RGL1: variants seen among roughly 807,000 people sequenced by gnomAD.
RGL1 encodes ral guanine nucleotide dissociation stimulator like 1.
RGL1 carries 24 observed loss-of-function variants against 95.2 expected under a neutral mutation model. The ratio of observed to expected loss-of-function variants is 0.25; its 90% confidence interval spans 0.18 to 0.35. The LOEUF is 0.35. RGL1 is among the 10% of genes least tolerant of loss of function. RGL1 has a pLI of 1.00. For synonymous variants in RGL1, 329 were observed against 344.9 expected (o/e 0.95, Z 0.51); for missense variants, 715 against 936.3 (o/e 0.76, Z 3.08).
In RGL1 at chr1:183,888,551, A is replaced by T; in HGVS notation, c.1029A>T (p.Leu343Phe). 6.2e-7 allele frequency: 1 copy of T among 1,612,646 alleles called. No individual in the cohort carries two copies. The highest frequency in any genetic ancestry group is 8.5e-7 in the Non-Finnish European group (1 of 1,178,792). ...TGCAGTCTAATTCCATCTATCGGTT[A>T]AAAAAGACTTGGGCTGCCGTCCCAA... ...SALQSNSIYRLKKTWAAVPRD... is the reference protein window; with the variant it reads ...SALQSNSIYRFKKTWAAVPRD... The change falls in exon 8 of 18, where the codon TTA becomes TTT. Residue 343 changes from leucine (L) to phenylalanine (F), a missense_variant. By Grantham distance (22) the Leu-to-Phe change is conservative. This residue lies in a region of RGL1 where 381 missense variants were observed against 484.8 expected (regional missense o/e 0.79). Transcript: ENST00000360851.
intron 3 of RGL1, among the ~76,000 whole-genome samples, chr1:183,863,408 A>G (rs929315383): frequency 1.3e-5 from 2 of 151,130 alleles, no homozygotes; most frequent in Non-Finnish European, 1.5e-5. Context: ...GGCTCAGGAG[A>G]TCCTCTTGCT....
chr1:183,817,834 G>A (rs144519374), intron 2 of RGL1, among the ~76,000 whole-genome samples: 13 of 152,320 alleles, frequency 8.5e-5, no homozygotes, highest in African/African-American at 3.1e-4. Flanking sequence ...TTTGTGCAAA[G>A]CAATGGTACT....
intron 2 of RGL1, among the ~76,000 whole-genome samples, chr1:183,840,746 A>G (rs1174477380): frequency 6.6e-6 from 1 of 151,832 alleles, no homozygotes; most frequent in Non-Finnish European, 1.5e-5. Flanking sequence ...AAATAAATAA[A>G]TTAGCTGGGG....
intron 2 of RGL1, among the ~76,000 whole-genome samples, chr1:183,791,082 TC>T (rs754410223): frequency 1.1e-4 from 16 of 152,236 alleles, no homozygotes; most frequent in Non-Finnish European, 2.1e-4. Flanking sequence ...AACTACTCCT[TC>T]CCTTCCCCCT....
intron 8 of RGL1, among the ~76,000 whole-genome samples, chr1:183,890,705 C>T (rs1377317147): frequency 6.6e-6 from 1 of 152,228 alleles, no homozygotes; most frequent in East Asian, 1.9e-4. Context: ...AAAAGCCAGC[C>T]ACAACAGCTA....
At chr1:183,800,162 C>T (rs1660912550), upstream of RGL1, among the ~76,000 whole-genome samples, 2 of 152,180 alleles carry the variant, frequency 1.3e-5, no homozygotes, top group South Asian at 4.1e-4. Flanking sequence ...TACATAAGTA[C>T]ATGCTGTCAT....
intron 2 of RGL1, among the ~76,000 whole-genome samples, chr1:183,824,944 C>A (rs989401653): frequency 1.3e-5 from 2 of 152,186 alleles, no homozygotes; most frequent in African/African-American, 4.8e-5. Flanking sequence ...AACCATTTTT[C>A]ATAACTGAGC....
chr1:183,915,073 T>C (rs1248643034), intron 15 of RGL1, among the ~76,000 whole-genome samples: 1 of 152,140 alleles, frequency 6.6e-6, no homozygotes, highest in African/African-American at 2.4e-5. Flanking sequence ...CCCATGAGAA[T>C]TGTCACATCA....
chr1:183,843,821 G>GTTTTTTTTTTTTTTT (rs5779190), intron 2 of RGL1, among the ~76,000 whole-genome samples: 1 of 150,854 alleles, frequency 6.6e-6, no homozygotes, highest in Non-Finnish European at 1.5e-5. Context: ...ATATTTTCAT[G>GTTTTTTTTTTTTTTT]TTTTTTTTTG....
intron 7 of RGL1, 27 bp downstream of exon 7, chr1:183,884,965 T>G: frequency 6.3e-7 from 1 of 1,592,860 alleles, no homozygotes; most frequent in Non-Finnish European, 8.6e-7. Context: ...AAATATTCTT[T>G]GTGTTTGGTA....
chr1:183,865,919 T>G (rs1482352312), intron 3 of RGL1, 77 bp from the exon 4 acceptor site: 8 of 925,400 alleles, frequency 8.6e-6, no homozygotes, highest in Admixed American at 3.6e-5. Flanking sequence ...ACTGTCACTT[T>G]GTAGTTGAAG....
chr1:183,926,083 T>G (rs1238213285), intron 17 of RGL1, 22 bp from the exon 18 acceptor site: 5 of 1,605,714 alleles, frequency 3.1e-6, no homozygotes, highest in Non-Finnish European at 4.3e-6. Context: ...CTGACCATCT[T>G]ATCTTTCCTT....
chr1:183,920,755 A>G (rs960917260), intron 16 of RGL1, among the ~76,000 whole-genome samples: 2 of 152,220 alleles, frequency 1.3e-5, no homozygotes, highest in Admixed American at 6.5e-5. Flanking sequence ...GTGTGCACCT[A>G]CTTTTCCCTT....
intron 15 of RGL1, among the ~76,000 whole-genome samples, chr1:183,915,526 GTA>G (rs1264300451): frequency 6.6e-6 from 1 of 152,224 alleles, no homozygotes; most frequent in Non-Finnish European, 1.5e-5. Context: ...TCATGAAAAT[GTA>G]TACAGTTGGC....
intron 17 of RGL1, among the ~76,000 whole-genome samples, chr1:183,924,573 T>C (rs946647798): frequency 6.6e-6 from 1 of 152,028 alleles, no homozygotes; most frequent in East Asian, 1.9e-4. Context: ...TATATACCTG[T>C]GTAACAAACC....
intron 17 of RGL1, among the ~76,000 whole-genome samples, chr1:183,925,029 C>G (rs1669537691): frequency 6.6e-6 from 1 of 152,100 alleles, no homozygotes; most frequent in Non-Finnish European, 1.5e-5. Context: ...GTCAAAATAA[C>G]TTTGCTTTGA....
At chr1:183,839,998 A>C (rs1329807116) in intron 2 of RGL1, among the ~76,000 whole-genome samples, 1 of 152,256 alleles carries the variant, frequency 6.6e-6, no homozygotes, top group African/African-American at 2.4e-5. Flanking sequence ...TTTTATGCTT[A>C]GAGTCAATGA....
intron 2 of RGL1, among the ~76,000 whole-genome samples, chr1:183,752,144 G>A (rs542203871): frequency 6.6e-6 from 1 of 152,204 alleles, no homozygotes; most frequent in East Asian, 1.9e-4. Context: ...TTCCAAAATG[G>A]TGGTACCAAT....
upstream of RGL1, among the ~76,000 whole-genome samples, chr1:183,800,363 T>C (rs544450060): frequency 4.6e-5 from 7 of 152,344 alleles, no homozygotes; most frequent in South Asian, 6.2e-4. Context: ...TCTTTATCTA[T>C]TGGCTCTGGT....
Sources: gnomAD v4.1 joint callset for allele counts (sites outside exome capture counted in the v4.1 genomes callset) on GRCh38, gnomAD v4.1.1 for gene constraint, gnomAD v4.1.1 regional missense constraint, MANE v1.5 for transcripts, NCBI Gene and HGNC (gene_info 2026-07-23, HGNC 2026-07-21) for gene names.